Variants in YME1L1 observed in about 807,000 individuals in gnomAD.
YME1L1 encodes the protein ATP-dependent zinc metalloprotease YME1L1.
A neutral mutation model predicts 90.4 loss-of-function variants in YME1L1; 39 were observed. The observed-to-expected ratio is 0.43, with a 90% CI of 0.33 to 0.56. The LOEUF (loss-of-function observed/expected upper bound fraction) is 0.56, where lower values mean the gene tolerates loss of function less well. Among genes scored for constraint, YME1L1 ranks in the 20% least tolerant of loss-of-function variants. The pLI is 0.03. For synonymous variants in YME1L1, 284 were observed against 287.3 expected, an observed-to-expected ratio of 0.99 and a Z score of 0.12; for missense variants, 617 against 868.4, an observed-to-expected ratio of 0.71 and a Z score of 3.64.
rs1329285658 is a variant in YME1L1 at position 27,154,194 on chromosome 10, C to A, written c.17G>T (p.Ser6Ile). MFSLS[S>I]TVQPQVTVPL... is the part of the protein sequence containing the mutation. ...CTGGCTTACCTGGGGTTGCACCGTG[C>A]TCGACAAGGAAAACATCTCCGGCGG... The change falls in exon 1 of 19, where the codon AGC becomes ATC. Residue 6 changes from serine to isoleucine, a missense_variant. Coordinates refer to ENST00000376016, the MANE Select transcript of YME1L1 (RefSeq NM_014263.4). 2 of 1,591,950 alleles carry A rather than the reference C, an allele frequency of 1.3e-6. No individual in the cohort carries two copies. The highest frequency in any genetic ancestry group is 2.7e-5 in the African/African-American group (2 of 74,572).
In YME1L1 at chr10:27,154,255, C is replaced by G. The variant is rs778518279; in HGVS notation, c.-45G>C. 3.2e-6 allele frequency: 5 copies of G among 1,574,894 alleles called. No individual in the cohort carries two copies. The Admixed American group carries it at 9.2e-5, about 29-fold the overall frequency. On this transcript the variant is annotated 5_prime_UTR_variant, in exon 1 of 19. Transcript: ENST00000376016. ...ACCTCACCCGCCTGCCGAAACTGTG[C>G]CCCTCTGTCCACGGCCCGGCGGGGA... is the stretch of plus-strand genomic sequence containing the variant.
At chr10:27,112,384 T>A (rs1483380776) in intron 18 of YME1L1, among the ~76,000 whole-genome samples, 1 of 152,172 alleles carries the variant, frequency 6.6e-6, no homozygotes, top group African/African-American at 2.4e-5. Flanking sequence ...ACTTTCTGTA[T>A]CCTTAACTAC....
In YME1L1 at chr10:27,149,048, A is replaced by G. The variant is rs374085548; in HGVS notation, c.34-8T>C. 17 of 1,583,590 alleles carry G rather than the reference A, an allele frequency of 1.1e-5. No homozygotes were observed. The highest frequency in any genetic ancestry group is 4.0e-5 in the Admixed American group (2 of 49,612). Reference sequence around the variant, plus strand: ...ACTCAGAGGAACTGTAACCTAGAAAAAGATAAAAGTTAAAAACTAAGTAGT... The same window carrying G: ...ACTCAGAGGAACTGTAACCTAGAAAGAGATAAAAGTTAAAAACTAAGTAGT... On this transcript the variant is annotated splice_region_variant and splice_polypyrimidine_tract_variant and intron_variant, in intron 1 of 18. Transcript: ENST00000376016.
chr10:27,137,179 G>A (rs978616421), intron 4 of YME1L1, among the ~76,000 whole-genome samples: 1 of 152,180 alleles, frequency 6.6e-6, no homozygotes, highest in Non-Finnish European at 1.5e-5. Context: ...CCACTTCCCA[G>A]AAGTATAACC....
chr10:27,123,350 T>C (rs2056885545), intron 10 of YME1L1, among the ~76,000 whole-genome samples, 197 bp downstream of exon 10: 1 of 152,102 alleles, frequency 6.6e-6, no homozygotes, highest in South Asian at 2.1e-4. Flanking sequence ...CGATAATTCA[T>C]ATAGTAAGTT....
Position 27,123,614 on chromosome 10 carries a change from A to G in YME1L1, c.1035T>C (p.Tyr345=). The G allele has an allele frequency of 4.3e-6, 7 of 1,614,088 alleles. No individual in the cohort carries two copies. Among genetic ancestry groups the G allele is most frequent in the Non-Finnish European group, 5.9e-6 (7 of 1,179,950 alleles). Residue 345 remains tyrosine, a synonymous_variant, in exon 10 of 19, where the codon TAT becomes TAC. Transcript: ENST00000376016. ...TCTCATCAAATTCGGATCCAGAAGC[A>G]TAATAAAAAGGAACATCAGCTTCTC... ...VAGEADVPFY[Y]ASGSEFDEMF...
intron 4 of YME1L1, among the ~76,000 whole-genome samples, chr10:27,140,684 G>A (rs1339246582): frequency 6.6e-6 from 1 of 151,978 alleles, no homozygotes; most frequent in Non-Finnish European, 1.5e-5. Flanking sequence ...TCACTATGTT[G>A]GCCAGGCTGG....
chr10:27,134,456 TC>T (rs2057006305), intron 6 of YME1L1, among the ~76,000 whole-genome samples: 1 of 152,186 alleles, frequency 6.6e-6, no homozygotes. Context: ...ATGCCTGTGA[TC>T]CTAGCTACTC....
At position 27,134,010 on chromosome 10, in the gene YME1L1, TAA is replaced by T. The variant is rs1272978388; in HGVS notation, c.775+27_775+28del. The T allele has an allele frequency of 4.1e-6, 6 of 1,461,332 alleles. No individual in the cohort carries two copies. The African/African-American group carries it at 4.2e-5, about 10-fold the overall frequency. The allele number at this position is 1,461,332 out of a possible 1,614,324, so 90.5% of individuals were successfully genotyped here. A position where few individuals can be genotyped will look rare whatever the true frequency, so the allele number is the denominator to read the frequency against. The stretch of plus-strand genomic sequence containing the variant: ...ATCATGTATTTAAAGGAATAAGAAA[TAA>T]GTTAGACAAATAAAAAAAGCTTTTA... On this transcript the variant is annotated intron_variant, in intron 7 of 18. Transcript: ENST00000376016.
intron 8 of YME1L1, among the ~76,000 whole-genome samples, chr10:27,130,029 C>G (rs897180400): frequency 6.6e-6 from 1 of 152,198 alleles, no homozygotes; most frequent in Non-Finnish European, 1.5e-5. Flanking sequence ...TTGCAATCCT[C>G]TATTCCATCT....
chr10:27,127,123 C>T (rs1406194889), intron 8 of YME1L1, among the ~76,000 whole-genome samples: 1 of 152,190 alleles, frequency 6.6e-6, no homozygotes, highest in East Asian at 1.9e-4. Context: ...CATAGCTTCA[C>T]GCCAAAGGGC....
intron 1 of YME1L1, 35 bp from the exon 2 acceptor site, chr10:27,149,075 T>G: frequency 6.5e-7 from 1 of 1,546,530 alleles, no homozygotes. Flanking sequence ...CTAAGTAGTT[T>G]TTTTTTAAAT....
chr10:27,153,206 T>C (rs190447508), intron 1 of YME1L1: 7 of 470,940 alleles, frequency 1.5e-5, no homozygotes, highest in Non-Finnish European at 2.6e-5. Context: ...TAAGAGAAGA[T>C]TCCACATTTG....
intron 8 of YME1L1, among the ~76,000 whole-genome samples, chr10:27,129,818 T>C (rs1205663010): frequency 6.6e-6 from 1 of 152,206 alleles, no homozygotes; most frequent in South Asian, 2.1e-4. Context: ...CCTGTTTCCA[T>C]TCATTCTCCT....
At chr10:27,149,711 CAAA>C (rs58900380) in intron 1 of YME1L1, among the ~76,000 whole-genome samples, 231 of 32,316 alleles carry the variant, frequency 7.1e-3, no homozygotes, top group African/African-American at 0.017. Context: ...ACCTGTCTCT[CAAA>C]AAAAAAAAAA....
chr10:27,146,555 G>C (rs2057145547), intron 2 of YME1L1: 1 of 152,096 alleles, frequency 6.6e-6, no homozygotes, highest in Non-Finnish European at 1.5e-5. Context: ...AACATGGTAA[G>C]ACATCATCTT....
Position 27,123,532 on chromosome 10 carries a change from T to A in YME1L1, c.1102+15A>T. 1 of 1,612,520 alleles carries A rather than the reference T, an allele frequency of 6.2e-7. No homozygotes were observed. The highest frequency in any genetic ancestry group is 1.1e-5 in the South Asian group (1 of 90,780). ...ACAAAATTTAGCACTGCATCAAAGA[T>A]ACACCAAAACGTACTAAAAAGATTT... On this transcript the variant is annotated intron_variant, in intron 10 of 18. Transcript: ENST00000376016.
rs149034584 is a variant in YME1L1 at position 27,123,253 on chromosome 10, A to G, written c.1103-280T>C. 1.8e-3 allele frequency among the ~76,000 whole-genome samples: 267 copies of G among 152,312 alleles called. 1 individual carries two copies. The highest frequency in any genetic ancestry group is 6.0e-3 in the African/African-American group (251 of 41,582). ...TTGAAGCTAATTACTCCTTAATTCCATACTACAAAATTGATGAATAAAATG... is the reference window on the plus strand; with the variant it reads ...TTGAAGCTAATTACTCCTTAATTCCGTACTACAAAATTGATGAATAAAATG... On this transcript the variant is annotated intron_variant, in intron 10 of 18. Coordinates refer to ENST00000376016, the MANE Select transcript of YME1L1 (RefSeq NM_014263.4).
chr10:27,145,980 G>C (rs2057139912), intron 2 of YME1L1: 1 of 156,214 alleles, frequency 6.4e-6, no homozygotes, highest in African/African-American at 2.4e-5. Context: ...TCAAGAGCTA[G>C]TCTATCAACT....
Sources: gnomAD v4.1 joint callset for allele counts (sites outside exome capture counted in the v4.1 genomes callset) on GRCh38, gnomAD v4.1.1 for gene constraint, MANE v1.5 for transcripts, NCBI Gene and HGNC (gene_info 2026-07-23, HGNC 2026-07-21) for gene names.